The following DENND2B variants were observed in gnomAD, a reference collection of about 807,000 sequenced individuals.
DENND2B encodes DENN domain-containing protein 2B.
In DENND2B, 32 loss-of-function variants were observed where a neutral mutation model predicts 116.0. The ratio of observed to expected loss-of-function variants is 0.28; its 90% confidence interval spans 0.21 to 0.37. The LOEUF (loss-of-function observed/expected upper bound fraction) is 0.37, where lower values mean the gene tolerates loss of function less well. Among genes scored for constraint, DENND2B ranks in the 10% least tolerant of loss-of-function variants. DENND2B has a pLI of 1.00. For synonymous variants in DENND2B, 588 were observed against 583.9 expected, an observed-to-expected ratio of 1.01 and a Z score of -0.10; for missense variants, 1,276 against 1,477.7, an observed-to-expected ratio of 0.86 and a Z score of 2.24.
intron 4 of DENND2B, among the ~76,000 whole-genome samples, chr11:8,723,536 G>A (rs553000563): frequency 2.9e-4 from 44 of 152,102 alleles, no homozygotes; most frequent in Non-Finnish European, 2.9e-4. Context: ...TCACTCATTC[G>A]GGAGGACTTT....
chr11:8,736,996 T>G (rs185529553), intron 2 of DENND2B, among the ~76,000 whole-genome samples: 2 of 152,288 alleles, frequency 1.3e-5, no homozygotes, highest in Admixed American at 6.5e-5. Flanking sequence ...AAACGATTAT[T>G]ATGATGACTC....
intron 18 of DENND2B, 66 bp downstream of exon 18, chr11:8,696,361 T>C (rs2040356157): frequency 6.3e-7 from 1 of 1,587,092 alleles, no homozygotes; most frequent in Admixed American, 1.8e-5. Flanking sequence ...TCCATCATAG[T>C]GCCTGGTTCT....
chr11:8,732,668 G>A (rs1051846757), intron 2 of DENND2B, among the ~76,000 whole-genome samples: 3 of 152,248 alleles, frequency 2.0e-5, no homozygotes, highest in Non-Finnish European at 4.4e-5. Context: ...GCTTATTGAA[G>A]AGCACCATGA....
intron 1 of DENND2B, among the ~76,000 whole-genome samples, chr11:8,762,219 T>C (rs1185423811): frequency 6.6e-6 from 1 of 152,214 alleles, no homozygotes; most frequent in African/African-American, 2.4e-5. Flanking sequence ...GTCCCTTTTA[T>C]AACTCTGGCC....
At chr11:8,826,916 T>G (rs7131166) in intron 4 of DENND2B, among the ~76,000 whole-genome samples, 104,751 of 152,050 alleles carry the variant, frequency 0.69, 38,077 homozygotes, top group Admixed American at 0.81. Context: ...ACCCCACGAT[T>G]CAAGGAAGGG....
At chr11:8,706,062 G>C (rs112435381) in intron 13 of DENND2B, among the ~76,000 whole-genome samples, 5,501 of 152,194 alleles carry the variant, frequency 0.036, 168 homozygotes, top group Non-Finnish European at 0.053. Flanking sequence ...CTGGGCAACA[G>C]GGTGAAACCC....
At position 8,877,255 on chromosome 11, in the gene DENND2B, C is replaced by T. The variant is rs537852894; in HGVS notation, c.-156+3755G>A. Among the ~76,000 whole-genome samples the T allele has an allele frequency of 2.2e-3, 341 of 151,942 alleles. 1 individual carries two copies. Among genetic ancestry groups the T allele is most frequent in the Non-Finnish European group, 3.8e-3 (255 of 67,960 alleles). ...AGTAGCTGGGACTACAGGTGCCCACCACCATGCCCAGCTAATTTTTTTTGT... is the reference window on the plus strand; with the variant it reads ...AGTAGCTGGGACTACAGGTGCCCACTACCATGCCCAGCTAATTTTTTTTGT... On this transcript the variant is annotated intron_variant, in intron 2 of 22. Coordinates refer to the DENND2B transcript ENST00000534127.
chr11:8,862,133 A>C (rs1016364854), intron 2 of DENND2B, among the ~76,000 whole-genome samples: 1 of 152,106 alleles, frequency 6.6e-6, no homozygotes, highest in African/African-American at 2.4e-5. Flanking sequence ...TTTCAGACAC[A>C]ATTCATCCAT....
chr11:8,773,327 C>T (rs1415432327), intron 1 of DENND2B, among the ~76,000 whole-genome samples: 1 of 152,168 alleles, frequency 6.6e-6, no homozygotes, highest in Non-Finnish European at 1.5e-5. Context: ...TGGCACCATA[C>T]AAGGACAGAC....
intron 2 of DENND2B, among the ~76,000 whole-genome samples, chr11:8,878,797 G>A (rs967797896): frequency 5.3e-5 from 8 of 152,154 alleles, no homozygotes; most frequent in Non-Finnish European, 1.2e-4. Flanking sequence ...TATGCTAAGT[G>A]AAAGAAGCCA....
intron 5 of DENND2B, among the ~76,000 whole-genome samples, chr11:8,716,134 A>G (rs1245781516): frequency 6.6e-6 from 1 of 152,182 alleles, no homozygotes; most frequent in Admixed American, 6.5e-5. Flanking sequence ...CTCCTGAGCT[A>G]TGGGACAAGA....
At chr11:8,725,260 C>T (rs763004395) in intron 4 of DENND2B, among the ~76,000 whole-genome samples, 6 of 152,182 alleles carry the variant, frequency 3.9e-5, no homozygotes, top group Non-Finnish European at 5.9e-5. Context: ...GAACTCCCTC[C>T]GCCCCTTCCA....
chr11:8,898,363 A>C (rs938783241), intron 1 of DENND2B, among the ~76,000 whole-genome samples: 2 of 152,218 alleles, frequency 1.3e-5, no homozygotes, highest in African/African-American at 4.8e-5. Flanking sequence ...CCCATCTCAT[A>C]AAAAATAAAA....
At chr11:8,880,345 C>CTGGGTGTGTG (rs71485245) in intron 2 of DENND2B, among the ~76,000 whole-genome samples, 1,875 of 120,626 alleles carry the variant, frequency 0.016, 59 homozygotes, top group East Asian at 0.11. Context: ...TCACTTTGAA[C>CTGGGTGTGTG]TGTGTGTGTG....
At chr11:8,873,051 T>C (rs1171606620), upstream of DENND2B, among the ~76,000 whole-genome samples, 1 of 152,198 alleles carries the variant, frequency 6.6e-6, no homozygotes, top group Non-Finnish European at 1.5e-5. Flanking sequence ...AACTCATGAA[T>C]GTAAAGGCAA....
intron 18 of DENND2B, 89 bp from the exon 19 acceptor site, chr11:8,695,638 T>A: frequency 8.8e-7 from 1 of 1,133,464 alleles, no homozygotes; most frequent in Non-Finnish European, 1.3e-6. Context: ...GGAGCACAGA[T>A]GCCAAAAAAG....
At chr11:8,807,869 G>A (rs11042079) in intron 1 of DENND2B, 49,919 of 151,914 alleles carry the variant, frequency 0.33, 10,144 homozygotes, top group Non-Finnish European at 0.44. Context: ...TCTGCTCAAG[G>A]GCTTCTTCCC....
chr11:8,871,718 A>T (rs1476985341), upstream of DENND2B, among the ~76,000 whole-genome samples: 2 of 152,216 alleles, frequency 1.3e-5, no homozygotes, highest in African/African-American at 4.8e-5. Context: ...GGATTCTGAA[A>T]TTTTACTTTA....
chr11:8,771,470 G>C (rs149831685), intron 1 of DENND2B, among the ~76,000 whole-genome samples: 2 of 144,892 alleles, frequency 1.4e-5, no homozygotes, highest in Non-Finnish European at 3.0e-5. Context: ...ATAAAATAAT[G>C]AATATATATA....
Sources: allele counts gnomAD v4.1 joint callset (sites outside exome capture counted in the v4.1 genomes callset), GRCh38; gene constraint gnomAD v4.1.1; transcripts MANE v1.5; gene names NCBI Gene and HGNC (gene_info 2026-07-23, HGNC 2026-07-21).